WWOX: variants seen among roughly 807,000 people sequenced by gnomAD.
The protein encoded by WWOX is WW domain containing oxidoreductase, also known as WW domain-containing oxidoreductase.
Under a neutral mutation model 46.2 loss-of-function variants are expected in WWOX, and 69 were observed. The ratio of observed to expected loss-of-function variants is 1.49; its 90% CI spans 1.23 to 1.82. WWOX has a LOEUF of 1.82. Among genes scored for constraint, WWOX ranks in the 40% most tolerant of loss-of-function variants. The pLI, the probability that WWOX is intolerant of heterozygous loss-of-function variation, is 0.00. For synonymous variants in WWOX, 359 were observed against 202.6 expected, an observed-to-expected ratio of 1.77 and a Z score of -6.56; for missense variants, 919 against 542.6, an observed-to-expected ratio of 1.69 and a Z score of -6.89.
At chr16:78,178,879 G>C (rs1001201518) in intron 5 of WWOX, among the ~76,000 whole-genome samples, 1 of 137,114 alleles carries the variant, frequency 7.3e-6, no homozygotes, top group Non-Finnish European at 1.6e-5. Flanking sequence ...AAAAAAAAAA[G>C]TAATCATTTT....
At chr16:79,126,041 G>T (rs112655415) in intron 8 of WWOX, among the ~76,000 whole-genome samples, 2 of 152,116 alleles carry the variant, frequency 1.3e-5, no homozygotes, top group Non-Finnish European at 2.9e-5. Context: ...GGATAAACAT[G>T]TACAAAATTA....
chr16:78,651,789 T>G (rs761501259), intron 8 of WWOX, among the ~76,000 whole-genome samples: 2 of 152,168 alleles, frequency 1.3e-5, no homozygotes, highest in Non-Finnish European at 2.9e-5. Context: ...CGAGACACTG[T>G]TGGATGGGAA....
intron 8 of WWOX, among the ~76,000 whole-genome samples, chr16:78,911,906 C>G (rs948978218): frequency 2.0e-5 from 3 of 152,008 alleles, no homozygotes; most frequent in African/African-American, 4.8e-5. Context: ...TTCTATCATT[C>G]TCAAGCTTAG....
intron 5 of WWOX, among the ~76,000 whole-genome samples, chr16:78,346,168 A>G (rs1257189654): frequency 1.7e-5 from 2 of 120,818 alleles, no homozygotes; most frequent in African/African-American, 5.6e-5. Flanking sequence ...CCACATAATT[A>G]CCTTGGGATG....
chr16:79,204,776 C>T (rs1203078898), intron 8 of WWOX: 2 of 152,128 alleles, frequency 1.3e-5, no homozygotes, highest in African/African-American at 4.8e-5. Context: ...TTGGGACTGG[C>T]TGCCTATTTT....
chr16:78,980,632 C>T (rs1031593520), intron 8 of WWOX, among the ~76,000 whole-genome samples: 2 of 152,168 alleles, frequency 1.3e-5, no homozygotes, highest in Admixed American at 6.5e-5. Context: ...AATACCATGA[C>T]TGATTATTCC....
chr16:78,558,776 T>A (rs142957975), intron 8 of WWOX, among the ~76,000 whole-genome samples: 1 of 152,340 alleles, frequency 6.6e-6, no homozygotes, highest in African/African-American at 2.4e-5. Context: ...GTTGTCACAT[T>A]CTTCTGCCTA....
At chr16:78,670,320 C>G (rs1448704879) in intron 8 of WWOX, among the ~76,000 whole-genome samples, 1 of 152,150 alleles carries the variant, frequency 6.6e-6, no homozygotes. Context: ...TCCCGTGATT[C>G]TGGAAGGAAA....
chr16:79,121,939 T>G (rs1476117035), intron 8 of WWOX, among the ~76,000 whole-genome samples: 1 of 152,098 alleles, frequency 6.6e-6, no homozygotes, highest in Non-Finnish European at 1.5e-5. Flanking sequence ...AACCCTAAGA[T>G]TGAACAAAAC....
intron 8 of WWOX, among the ~76,000 whole-genome samples, chr16:78,664,084 A>G (rs970492992): frequency 6.6e-6 from 1 of 152,194 alleles, no homozygotes; most frequent in African/African-American, 2.4e-5. Context: ...GAGGAGGACA[A>G]TGCGTAGGAG....
Position 78,802,953 on chromosome 16 carries a change from A to T in WWOX, c.1056+370201A>T, listed in dbSNP as rs1462222679. Among the ~76,000 whole-genome samples the T allele has an allele frequency of 2.1e-5, 3 of 141,726 alleles. 1 individual carries two copies. Among genetic ancestry groups the T allele is most frequent in the Non-Finnish European group, 4.6e-5 (3 of 64,672 alleles). 93.0% of individuals were successfully genotyped at this position (141,726 alleles called of 152,430 possible). ...AAAAAAAAAAAAAAACAACAAACAG[A>T]AAAATGAACGAGTGAGTGGCAAGAA... On this transcript the variant is annotated intron_variant, in intron 8 of 8. Transcript: ENST00000566780.
intron 4 of WWOX, among the ~76,000 whole-genome samples, chr16:78,125,549 T>C (rs1463458047): frequency 2.0e-5 from 3 of 152,122 alleles, no homozygotes; most frequent in African/African-American, 7.2e-5. Flanking sequence ...CCAGACTGCA[T>C]TGGATCCTGG....
At chr16:79,075,385 A>T (rs890066519) in intron 8 of WWOX, among the ~76,000 whole-genome samples, 1 of 152,218 alleles carries the variant, frequency 6.6e-6, no homozygotes, top group Non-Finnish European at 1.5e-5. Flanking sequence ...AGAAACCTTT[A>T]GGACTTTTCA....
rs143123545 is a variant in WWOX, at chr16:78,415,911, A to C, written c.606-8959A>C. On this transcript the variant is annotated intron_variant, in intron 6 of 8. Coordinates refer to ENST00000566780, the MANE Select transcript of WWOX (RefSeq NM_016373.4). The stretch of plus-strand genomic sequence containing the variant: ...AGTTGAAGGGGTTGCTGGTTTGTAA[A>C]TAGCATCCCCACAGTCAGCAGACAC... 1.7e-3 allele frequency among the ~76,000 whole-genome samples: 260 copies of C among 152,316 alleles called. 6 individuals are homozygous for C. The highest frequency in any genetic ancestry group is 8.7e-3 in the East Asian group (45 of 5,170).
chr16:78,303,134 A>T (rs1184955892), intron 5 of WWOX, among the ~76,000 whole-genome samples: 1 of 152,178 alleles, frequency 6.6e-6, no homozygotes, highest in Admixed American at 6.5e-5. Context: ...TAAGGTATAG[A>T]GTATTTGTCT....
chr16:79,211,719 A>C lies in WWOX; in HGVS notation c.1168A>C (p.Ser390Arg). 6.2e-7 allele frequency: 1 copy of C among 1,614,228 alleles called. No individual in the cohort carries two copies. Among genetic ancestry groups the C allele is most frequent in the East Asian group, 2.2e-5 (1 of 44,868 alleles). The change falls in exon 9 of 9, where the codon AGC becomes CGC. Residue 390 changes from serine (S) to arginine (R), a missense_variant. Transcript: ENST00000566780. ...CRCMPSPEAQSEETARTLWAL... is the reference protein window; with the variant it reads ...CRCMPSPEAQREETARTLWAL... ...CTGCATGCCCTCACCAGAAGCTCAG[A>C]GCGAAGAGACGGCCCGGACCCTGTG...
chr16:78,358,091 G>GT (rs1357740604), intron 5 of WWOX, among the ~76,000 whole-genome samples: 6 of 152,108 alleles, frequency 3.9e-5, no homozygotes, highest in Admixed American at 3.9e-4. Context: ...CTAGTTCTTT[G>GT]TTTTTGTAAA....
intron 8 of WWOX, among the ~76,000 whole-genome samples, chr16:78,449,301 G>A (rs964227653): frequency 2.4e-4 from 36 of 152,158 alleles, no homozygotes; most frequent in African/African-American, 8.2e-4. Flanking sequence ...ATGTAACCAC[G>A]GAAGTGACGT....
At chr16:78,615,433 G>A (rs1327139463) in intron 8 of WWOX, among the ~76,000 whole-genome samples, 1 of 152,056 alleles carries the variant, frequency 6.6e-6, no homozygotes, top group Non-Finnish European at 1.5e-5. Context: ...AGGATCTCCT[G>A]AAGCCCAGAA....
Sources: gnomAD v4.1 joint callset for allele counts (sites outside exome capture counted in the v4.1 genomes callset) on GRCh38, gnomAD v4.1.1 for gene constraint, MANE v1.5 for transcripts, NCBI Gene and HGNC (gene_info 2026-07-23, HGNC 2026-07-21) for gene names.